The following MCTP1 variants were observed in gnomAD, a reference collection of about 807,000 sequenced individuals.
MCTP1 encodes the protein multiple C2 and transmembrane domain-containing protein 1.
MCTP1 carries 69 observed loss-of-function variants against 120.6 expected under a neutral mutation model. The observed-to-expected ratio is 0.57, with a 90% CI of 0.47 to 0.70. MCTP1 has a LOEUF of 0.70. MCTP1 is among the 30% of genes least tolerant of loss of function. The pLI, the probability that MCTP1 is intolerant of heterozygous loss-of-function variation, is 0.00. For missense variants in MCTP1, 1,203 were observed against 1,248.8 expected (o/e 0.96, Z 0.55); for synonymous variants, 529 against 493.1 (o/e 1.07, Z -0.96).
At chr5:95,129,459 T>C (rs950343690) in intron 1 of MCTP1, among the ~76,000 whole-genome samples, 3 of 152,214 alleles carry the variant, frequency 2.0e-5, no homozygotes, top group Non-Finnish European at 4.4e-5. Flanking sequence ...TTTGTGAGTA[T>C]GTTGGTTAAT....
chr5:94,966,481 G>C (rs1825623962), intron 2 of MCTP1, among the ~76,000 whole-genome samples: 1 of 152,026 alleles, frequency 6.6e-6, no homozygotes, highest in Non-Finnish European at 1.5e-5. Context: ...TTAATAACTT[G>C]CTCCAAGTCA....
At chr5:94,853,742 T>G (rs758486342) in intron 17 of MCTP1, among the ~76,000 whole-genome samples, 4 of 151,908 alleles carry the variant, frequency 2.6e-5, no homozygotes, top group Admixed American at 2.6e-4. Context: ...ATATCTCAAT[T>G]AAAACCTTTT....
At chr5:95,003,428 T>C (rs1186620302) in intron 2 of MCTP1, among the ~76,000 whole-genome samples, 1 of 152,224 alleles carries the variant, frequency 6.6e-6, no homozygotes, top group Non-Finnish European at 1.5e-5. Context: ...TCATTTCAGT[T>C]TGTGTAAGTA....
At chr5:95,271,785 C>T (rs998439837) in intron 1 of MCTP1, among the ~76,000 whole-genome samples, 2 of 151,506 alleles carry the variant, frequency 1.3e-5, no homozygotes, top group African/African-American at 4.9e-5. Context: ...TATGGCACTC[C>T]ATATATAGCT....
intron 17 of MCTP1, chr5:94,826,109 A>G: frequency 3.1e-6 from 1 of 320,004 alleles, no homozygotes; most frequent in Non-Finnish European, 6.1e-6. Context: ...GCATTTTCCA[A>G]CAGTACAGAT....
At chr5:94,983,608 C>A (rs567335711) in intron 2 of MCTP1, among the ~76,000 whole-genome samples, 9 of 152,210 alleles carry the variant, frequency 5.9e-5, no homozygotes, top group Admixed American at 5.2e-4. Flanking sequence ...AAGTTCACAA[C>A]CAGCCTGGGT....
intron 21 of MCTP1, 40 bp from the exon 22 acceptor site, chr5:94,708,649 A>G (rs910060426): frequency 7.7e-7 from 1 of 1,295,332 alleles, no homozygotes; most frequent in African/African-American, 1.5e-5. Flanking sequence ...CATTTCTGAC[A>G]AAAGTGTTGT....
At chr5:94,777,483 C>T (rs575296268) in intron 19 of MCTP1, among the ~76,000 whole-genome samples, 8 of 152,278 alleles carry the variant, frequency 5.3e-5, no homozygotes, top group African/African-American at 1.7e-4. Context: ...TGACTTCAAA[C>T]AGGGACATTA....
chr5:95,205,112 A>G (rs2152558447), intron 1 of MCTP1, among the ~76,000 whole-genome samples: 1 of 152,296 alleles, frequency 6.6e-6, no homozygotes, highest in Non-Finnish European at 1.5e-5. Context: ...CTAAGTAAAC[A>G]AGATAATGTA....
chr5:94,793,286 G>A (rs1278848916), intron 18 of MCTP1: 2 of 152,174 alleles, frequency 1.3e-5, no homozygotes, highest in Admixed American at 6.5e-5. Context: ...GGGGTCACAA[G>A]GGATAAGCTT....
intron 17 of MCTP1, among the ~76,000 whole-genome samples, chr5:94,856,788 T>G (rs1328806042): frequency 6.6e-6 from 1 of 151,528 alleles, no homozygotes; most frequent in African/African-American, 2.4e-5. Flanking sequence ...AAAAAGAAAG[T>G]AAGAGCAAGA....
At chr5:94,781,270 C>T (rs1399822442) in intron 18 of MCTP1, among the ~76,000 whole-genome samples, 1 of 151,970 alleles carries the variant, frequency 6.6e-6, no homozygotes, top group Non-Finnish European at 1.5e-5. Context: ...TATAATATGC[C>T]TCCTCTCTGC....
chr5:95,113,635 T>C (rs527422825), intron 1 of MCTP1, among the ~76,000 whole-genome samples: 3 of 152,312 alleles, frequency 2.0e-5, no homozygotes, highest in Non-Finnish European at 1.5e-5. Context: ...TGGTTGGAAT[T>C]TGAGTTCCTG....
At chr5:94,720,047 A>G (rs1441884947) in intron 19 of MCTP1, among the ~76,000 whole-genome samples, 1 of 151,982 alleles carries the variant, frequency 6.6e-6, no homozygotes, top group Admixed American at 6.6e-5. Context: ...AATCGCTTGA[A>G]CCTGGGAGGC....
At chr5:95,244,718 G>A (rs1361677218) in intron 1 of MCTP1, among the ~76,000 whole-genome samples, 1 of 152,234 alleles carries the variant, frequency 6.6e-6, no homozygotes, top group East Asian at 1.9e-4. Flanking sequence ...CCGCAGCTCA[G>A]CAAGGCCTAC....
At chr5:95,223,246 G>A (rs1427903252) in intron 1 of MCTP1, among the ~76,000 whole-genome samples, 1 of 152,134 alleles carries the variant, frequency 6.6e-6, no homozygotes, top group Non-Finnish European at 1.5e-5. Flanking sequence ...GAGCCCAGGA[G>A]TTTGAGACCA....
At chr5:95,073,310 T>C (rs1256474445) in intron 1 of MCTP1, among the ~76,000 whole-genome samples, 1 of 152,182 alleles carries the variant, frequency 6.6e-6, no homozygotes, top group Non-Finnish European at 1.5e-5. Context: ...TAGATTTCTC[T>C]CATCCAGACT....
At chr5:95,197,477 G>A (rs1750519350) in intron 1 of MCTP1, among the ~76,000 whole-genome samples, 1 of 152,044 alleles carries the variant, frequency 6.6e-6, no homozygotes, top group Admixed American at 6.6e-5. Context: ...CATCAATTGA[G>A]CAATAGCTAA....
intron 5 of MCTP1, among the ~76,000 whole-genome samples, chr5:94,937,734 T>G (rs901175513): frequency 2.0e-5 from 3 of 152,032 alleles, no homozygotes; most frequent in Non-Finnish European, 4.4e-5. Context: ...CTCCTGATAG[T>G]AACTTGCTCC....
Sources: allele counts gnomAD v4.1 joint callset (sites outside exome capture counted in the v4.1 genomes callset), GRCh38; gene constraint gnomAD v4.1.1; transcripts MANE v1.5; gene names NCBI Gene and HGNC (gene_info 2026-07-23, HGNC 2026-07-21).